Variants in CYP7B1 observed in about 807,000 individuals in gnomAD.
CYP7B1 encodes cytochrome P450 7B1.
CYP7B1 carries 29 observed loss-of-function variants against 42.7 expected under a neutral mutation model. The observed-to-expected ratio is 0.68, with a 90% CI of 0.51 to 0.93. CYP7B1 has a LOEUF of 0.93. CYP7B1 is among the 40% of genes least tolerant of loss of function. CYP7B1 has a pLI of 0.00. For synonymous variants in CYP7B1, 235 were observed against 218.2 expected (o/e 1.08, Z -0.68); for missense variants, 655 against 600.5 (o/e 1.09, Z -0.95).
intron 1 of CYP7B1, among the ~76,000 whole-genome samples, chr8:64,669,423 C>T (rs1806331953): frequency 1.3e-5 from 2 of 151,916 alleles, no homozygotes; most frequent in South Asian, 4.2e-4. Context: ...ACCAAACTAC[C>T]AATAGAGCTT....
At chr8:64,630,918 G>T (rs1280675413) in intron 1 of CYP7B1, among the ~76,000 whole-genome samples, 2 of 152,194 alleles carry the variant, frequency 1.3e-5, no homozygotes, top group Non-Finnish European at 2.9e-5. Flanking sequence ...GCAGGACAGA[G>T]GAATAGTGAG....
chr8:64,729,192 A>G (rs1807372067), intron 1 of CYP7B1, among the ~76,000 whole-genome samples: 1 of 152,196 alleles, frequency 6.6e-6, no homozygotes, highest in Admixed American at 6.5e-5. Flanking sequence ...AGAAGCTCTA[A>G]GATAACAGCT....
intron 1 of CYP7B1, among the ~76,000 whole-genome samples, chr8:64,664,177 GCA>G (rs142287947): frequency 1.3e-5 from 2 of 151,788 alleles, no homozygotes; most frequent in African/African-American, 4.8e-5. Flanking sequence ...GCATGGGTGT[GCA>G]CACACACACA....
At chr8:64,722,756 G>C (rs1486374526) in intron 1 of CYP7B1, among the ~76,000 whole-genome samples, 1 of 69,822 alleles carries the variant, frequency 1.4e-5, no homozygotes, top group South Asian at 7.1e-4. Context: ...GGGGGGGGGG[G>C]CGGGAGGTTT....
intron 1 of CYP7B1, among the ~76,000 whole-genome samples, chr8:64,678,881 C>CTGTG (rs56067911): frequency 0.45 from 66,126 of 147,508 alleles, 15,420 homozygotes; most frequent in Non-Finnish European, 0.52. Flanking sequence ...AACATCAATG[C>CTGTG]TGTGTGTGTG....
At chr8:64,772,416 C>T (rs756208464) in intron 1 of CYP7B1, among the ~76,000 whole-genome samples, 54 of 152,116 alleles carry the variant, frequency 3.5e-4, no homozygotes, top group Non-Finnish European at 7.4e-4. Flanking sequence ...AGTTGAAAAC[C>T]TGAATAGAAC....
At chr8:64,613,174 G>A (rs1414491045) in intron 4 of CYP7B1, among the ~76,000 whole-genome samples, 1 of 152,072 alleles carries the variant, frequency 6.6e-6, no homozygotes, top group Non-Finnish European at 1.5e-5. Flanking sequence ...AAACTTGCTT[G>A]GGATTTTTAT....
intron 1 of CYP7B1, among the ~76,000 whole-genome samples, chr8:64,668,973 C>A (rs553054861): frequency 1.3e-5 from 2 of 152,160 alleles, no homozygotes; most frequent in South Asian, 4.1e-4. Flanking sequence ...AAATTTCTTA[C>A]CAGAGACAGA....
At chr8:64,664,770 T>G (rs1806250579) in intron 1 of CYP7B1, among the ~76,000 whole-genome samples, 1 of 152,218 alleles carries the variant, frequency 6.6e-6, no homozygotes, top group African/African-American at 2.4e-5. Context: ...GAGTTATCTT[T>G]GTGGCACTTA....
At chr8:64,604,040 G>A (rs534577502) in intron 5 of CYP7B1, among the ~76,000 whole-genome samples, 1 of 152,288 alleles carries the variant, frequency 6.6e-6, no homozygotes, top group African/African-American at 2.4e-5. Context: ...GCGGTATTAA[G>A]GGATGAACCA....
chr8:64,587,246 A>AAGGGATTCGGGATCCGCATCCGG (rs769820949), downstream of CYP7B1, among the ~76,000 whole-genome samples: 164 of 152,322 alleles, frequency 1.1e-3, no homozygotes, highest in African/African-American at 3.5e-3. Context: ...AGTGCTCCCG[A>AAGGGATTCGGGATCCGCATCCGG]AGGGATTCGG....
chr8:64,628,653 A>C (rs1230579143), intron 1 of CYP7B1, among the ~76,000 whole-genome samples: 1 of 152,094 alleles, frequency 6.6e-6, no homozygotes, highest in East Asian at 1.9e-4. Context: ...GTCTCAAATA[A>C]AATAAAATAA....
intron 1 of CYP7B1, among the ~76,000 whole-genome samples, chr8:64,635,905 T>A (rs891199239): frequency 6.6e-6 from 1 of 152,200 alleles, no homozygotes; most frequent in African/African-American, 2.4e-5. Context: ...AATGCCTTGA[T>A]CAAGTGAGTG....
Position 64,594,492 on chromosome 8 carries a change from C to T in CYP7B1, c.*2150G>A, listed in dbSNP as rs571889025. On this transcript the variant is annotated 3_prime_UTR_variant, in exon 6 of 6. Transcript: ENST00000310193. The stretch of plus-strand genomic sequence containing the variant: ...GAAAACATATACATACCAAGATATG[C>T]ATCAAACACATTAGAATATTTGCCT... Among the ~76,000 whole-genome samples the T allele has an allele frequency of 3.9e-5, 6 of 152,174 alleles. No individual in the cohort carries two copies. The East Asian group carries it at 1.2e-3, about 29-fold the overall frequency.
chr8:64,756,079 T>A (rs1292004528), intron 1 of CYP7B1, among the ~76,000 whole-genome samples: 1 of 152,240 alleles, frequency 6.6e-6, no homozygotes, highest in Non-Finnish European at 1.5e-5. Context: ...TTGCAGCAGA[T>A]AACCAGAGAA....
At chr8:64,645,368 G>T (rs1563375434) in intron 1 of CYP7B1, among the ~76,000 whole-genome samples, 2 of 152,102 alleles carry the variant, frequency 1.3e-5, no homozygotes, top group Non-Finnish European at 2.9e-5. Flanking sequence ...CTAGTTTACA[G>T]TCCAACCAAC....
intron 5 of CYP7B1, among the ~76,000 whole-genome samples, chr8:64,599,763 T>C (rs560840185): frequency 1.3e-5 from 2 of 152,260 alleles, no homozygotes; most frequent in East Asian, 3.9e-4. Flanking sequence ...AAGGGAAAAA[T>C]CTATGGGGAC....
intron 1 of CYP7B1, among the ~76,000 whole-genome samples, chr8:64,676,991 G>A (rs1806455773): frequency 6.6e-6 from 1 of 151,962 alleles, no homozygotes; most frequent in Admixed American, 6.6e-5. Flanking sequence ...CTGATGAACC[G>A]ACATTTGGGG....
chr8:64,679,381 T>C (rs541351838), intron 1 of CYP7B1, among the ~76,000 whole-genome samples: 137 of 152,312 alleles, frequency 9.0e-4, no homozygotes, highest in Middle Eastern at 6.8e-3. Flanking sequence ...ATTTGTGCTG[T>C]ATAGATAGAT....
Sources: gnomAD v4.1 joint callset for allele counts (sites outside exome capture counted in the v4.1 genomes callset) on GRCh38, gnomAD v4.1.1 for gene constraint, MANE v1.5 for transcripts, NCBI Gene and HGNC (gene_info 2026-07-23, HGNC 2026-07-21) for gene names.